Variants in RFC3 observed in about 807,000 individuals in gnomAD.
The protein encoded by RFC3 is A1 38 kDa subunit.
In RFC3, 41 loss-of-function variants were observed where a neutral mutation model predicts 45.1. The ratio of observed to expected loss-of-function variants is 0.91; its 90% CI spans 0.71 to 1.18. The LOEUF is 1.18. Ranked by LOEUF, RFC3 falls within the 50% of genes most tolerant of loss-of-function variation. The probability of loss-of-function intolerance (pLI) is 0.00; values close to 1 mark genes in which losing one functional copy is unlikely to be tolerated. For missense variants in RFC3, 423 were observed against 428.1 expected (o/e 0.99, Z 0.10); for synonymous variants, 149 against 144.0 (o/e 1.03, Z -0.25).
the RFC3 span, among the ~76,000 whole-genome samples, chr13:33,977,283 T>C: frequency 1.3e-5 from 2 of 152,136 alleles, no homozygotes; most frequent in Admixed American, 1.3e-4. Flanking sequence ...AAGATGTTAA[T>C]AATGAGGAAA....
chr13:33,911,845 T>G (rs1011825420), intron 8 of RFC3, among the ~76,000 whole-genome samples: 6 of 152,030 alleles, frequency 3.9e-5, no homozygotes, highest in Admixed American at 2.0e-4. Context: ...CACCTCCCAA[T>G]ACCATTATAT....
intron 8 of RFC3, among the ~76,000 whole-genome samples, chr13:33,931,512 A>G (rs1362357790): frequency 6.6e-6 from 1 of 151,992 alleles, no homozygotes; most frequent in African/African-American, 2.4e-5. Context: ...GTAGACTCAT[A>G]TCATGAGATG....
intron 8 of RFC3, among the ~76,000 whole-genome samples, chr13:33,859,001 A>C (rs1308676998): frequency 2.0e-5 from 3 of 152,210 alleles, no homozygotes; most frequent in Admixed American, 6.6e-5. Context: ...TGTCCACAGC[A>C]TCCTTCTCTC....
At chr13:33,891,975 A>G (rs914555888) in intron 8 of RFC3, among the ~76,000 whole-genome samples, 6 of 151,962 alleles carry the variant, frequency 3.9e-5, no homozygotes, top group African/African-American at 1.4e-4. Context: ...CAATTCAACC[A>G]GGAAAAAAAA....
At chr13:33,834,417 C>A (rs556231084) in intron 7 of RFC3, among the ~76,000 whole-genome samples, 126 of 138,208 alleles carry the variant, frequency 9.1e-4, no homozygotes, top group African/African-American at 3.1e-3. Flanking sequence ...TGTTTTAAAA[C>A]GTCATATGTA....
chr13:33,886,002 G>C (rs1405512138), intron 8 of RFC3, among the ~76,000 whole-genome samples: 3 of 151,630 alleles, frequency 2.0e-5, no homozygotes, highest in Non-Finnish European at 2.9e-5. Context: ...GACTGCCATG[G>C]AGGACTTTTT....
the RFC3 span, among the ~76,000 whole-genome samples, chr13:33,972,717 G>A: frequency 1.3e-5 from 2 of 152,160 alleles, no homozygotes; most frequent in Non-Finnish European, 2.9e-5. Flanking sequence ...CCACATTATG[G>A]CCCGTTAAGC....
chr13:33,844,610 CTGA>C (rs1317961268), intron 8 of RFC3, among the ~76,000 whole-genome samples: 1 of 152,176 alleles, frequency 6.6e-6, no homozygotes, highest in African/African-American at 2.4e-5. Flanking sequence ...TTATTTTAAA[CTGA>C]TGACAATTTA....
downstream of RFC3, among the ~76,000 whole-genome samples, chr13:33,970,247 C>T (rs1412720950): frequency 2.0e-5 from 3 of 152,170 alleles, no homozygotes; most frequent in Admixed American, 6.5e-5. Context: ...CATCCATGTC[C>T]TTGCAAAAGA....
intron 8 of RFC3, among the ~76,000 whole-genome samples, chr13:33,891,573 T>C (rs997820452): frequency 9.2e-5 from 14 of 152,158 alleles, no homozygotes; most frequent in African/African-American, 3.4e-4. Flanking sequence ...TCTAATATGG[T>C]AGATCAAGGA....
At chr13:33,944,360 G>A (rs1477612403) in intron 8 of RFC3, among the ~76,000 whole-genome samples, 2 of 152,104 alleles carry the variant, frequency 1.3e-5, no homozygotes, top group Non-Finnish European at 2.9e-5. Flanking sequence ...TCCTTCCAAC[G>A]CTGCTCATTA....
intron 8 of RFC3, among the ~76,000 whole-genome samples, chr13:33,921,249 C>T (rs534847022): frequency 2.6e-5 from 4 of 152,112 alleles, no homozygotes; most frequent in East Asian, 1.9e-4. Flanking sequence ...ACTATGGCAG[C>T]GGCTAAGTGC....
At chr13:33,857,037 C>T (rs1488567522) in intron 8 of RFC3, among the ~76,000 whole-genome samples, 2 of 152,142 alleles carry the variant, frequency 1.3e-5, no homozygotes, top group African/African-American at 2.4e-5. Context: ...AATTTTAATA[C>T]ATGGGGCAAG....
chr13:33,876,370 T>G (rs2082446622), intron 8 of RFC3, among the ~76,000 whole-genome samples: 1 of 152,242 alleles, frequency 6.6e-6, no homozygotes, highest in African/African-American at 2.4e-5. Context: ...ACTTTATTTT[T>G]CAAAGTTTTT....
chr13:33,835,281 A>G, intron 8 of RFC3, 64 bp downstream of exon 8: 1 of 997,878 alleles, frequency 1.0e-6, no homozygotes, highest in Non-Finnish European at 1.6e-6. Flanking sequence ...GTGTGTGATC[A>G]TAGGGCTTTT....
chr13:33,826,109 A>G (rs1040456577), intron 4 of RFC3, among the ~76,000 whole-genome samples: 2 of 152,198 alleles, frequency 1.3e-5, no homozygotes, highest in Non-Finnish European at 2.9e-5. Flanking sequence ...CAGAAATTAC[A>G]TGATTTTAAA....
chr13:33,941,994 C>T (rs1291828382), intron 8 of RFC3, among the ~76,000 whole-genome samples: 1 of 152,000 alleles, frequency 6.6e-6, no homozygotes, highest in African/African-American at 2.4e-5. Context: ...ATCATTTGTT[C>T]AGGGGAGCCC....
At chr13:33,916,598 T>A (rs2137718447) in intron 8 of RFC3, among the ~76,000 whole-genome samples, 1 of 152,296 alleles carries the variant, frequency 6.6e-6, no homozygotes, top group South Asian at 2.1e-4. Context: ...GCACCAGTGA[T>A]GACTGACCAA....
At chr13:33,956,541 T>C (rs961976543) in intron 8 of RFC3, among the ~76,000 whole-genome samples, 3 of 152,194 alleles carry the variant, frequency 2.0e-5, no homozygotes, top group Non-Finnish European at 4.4e-5. Context: ...ATAAAATACA[T>C]TATCTCATAC....
Sources: gnomAD v4.1 joint callset for allele counts (sites outside exome capture counted in the v4.1 genomes callset) on GRCh38, gnomAD v4.1.1 for gene constraint, MANE v1.5 for transcripts, NCBI Gene and HGNC (gene_info 2026-07-23, HGNC 2026-07-21) for gene names.